HSH2D: variants seen among roughly 807,000 people sequenced by gnomAD.
HSH2D encodes hematopoietic SH2 domain-containing protein.
A neutral mutation model predicts 21.5 loss-of-function variants in HSH2D; 16 were observed. The ratio of observed to expected loss-of-function variants is 0.74; its 90% CI spans 0.50 to 1.13. The LOEUF (loss-of-function observed/expected upper bound fraction) is 1.13, where lower values mean the gene tolerates loss of function less well. Ranked by LOEUF, HSH2D falls within the 50% of genes most tolerant of loss-of-function variation. The probability of loss-of-function intolerance (pLI) is 0.00; values close to 1 mark genes in which losing one functional copy is unlikely to be tolerated. For synonymous variants in HSH2D, 172 were observed against 184.7 expected (o/e 0.93, Z 0.56); for missense variants, 418 against 441.4 (o/e 0.95, Z 0.47).
chr19:16,154,343 G>T, intron 4 of HSH2D, 56 bp from the exon 5 acceptor site: 1 of 1,244,168 alleles, frequency 8.0e-7, no homozygotes, highest in Non-Finnish European at 1.1e-6. Flanking sequence ...TCCAGGGTCC[G>T]TGCAGGACCT....
intron 1 of HSH2D, among the ~76,000 whole-genome samples, chr19:16,146,057 C>G (rs932069946): frequency 1.5e-5 from 2 of 134,184 alleles, no homozygotes; most frequent in Non-Finnish European, 3.1e-5. Flanking sequence ...GCCTGGGCAA[C>G]AGAGCGAGAT....
At chr19:16,151,347 G>A in intron 2 of HSH2D, 1 of 251,686 alleles carries the variant, frequency 4.0e-6, no homozygotes, top group South Asian at 3.4e-5. Context: ...AAAAAAGAGA[G>A]AGAGAGAGAA....
At chr19:16,156,051 G>A (rs2091232463) in intron 5 of HSH2D, among the ~76,000 whole-genome samples, 2 of 152,040 alleles carry the variant, frequency 1.3e-5, no homozygotes, top group South Asian at 4.1e-4. Context: ...GAGCCCAGGT[G>A]TGGAAAGAAA....
At chr19:16,147,280 T>C (rs529228126) in intron 1 of HSH2D, among the ~76,000 whole-genome samples, 3 of 150,072 alleles carry the variant, frequency 2.0e-5, no homozygotes, top group South Asian at 4.2e-4. Flanking sequence ...AGTCCAGGAG[T>C]TTGAGACCAA....
At position 16,157,740 on chromosome 19, in the gene HSH2D, C is replaced by T. The variant is rs945437174; in HGVS notation, c.1005C>T (p.Asp335=). 22 of 1,612,386 alleles carry T rather than the reference C, an allele frequency of 1.4e-5. No individual in the cohort carries two copies. Among genetic ancestry groups the T allele is most frequent in the Admixed American group, 6.7e-5 (4 of 59,874 alleles). ...EHQGLAEPEN[D]QLPEEYQQPP... ...AGGGCTTGGCAGAGCCTGAGAACGA[C>T]CAGCTCCCGGAGGAGTACCAACAAC... The change falls in exon 6 of 6, where the codon GAC becomes GAT. Residue 335 remains aspartate (D), a synonymous_variant. Transcript: ENST00000613986. The surrounding 1 kb of genome is among the most constrained non-coding windows in gnomAD (Gnocchi z 4.4).
chr19:16,156,787 AG>A (rs1416975601), intron 5 of HSH2D, among the ~76,000 whole-genome samples: 1 of 152,176 alleles, frequency 6.6e-6, no homozygotes, highest in African/African-American at 2.4e-5. Context: ...AAGGAGTTCA[AG>A]ACCACCAGGG....
At position 16,152,633 on chromosome 19, in the gene HSH2D, C is replaced by G. The variant is rs372296907; in HGVS notation, c.207C>G (p.Leu69=). The part of the protein sequence containing the change: ...RVSHSHVGYT[L]SYKAQSSCCH... Reference sequence around the variant, plus strand: ...GTCACAGCCATGTGGGCTACACACTCTCCTACAAGTAAGGCCTGGGCCGGG... The same window carrying G: ...GTCACAGCCATGTGGGCTACACACTGTCCTACAAGTAAGGCCTGGGCCGGG... The change falls in exon 3 of 6, where the codon CTC becomes CTG. Residue 69 remains leucine (L), a synonymous_variant. Transcript: ENST00000613986. 1.4e-4 allele frequency: 210 copies of G among 1,539,732 alleles called. No individual in the cohort carries two copies. Among genetic ancestry groups the G allele is most frequent in the Admixed American group, 8.2e-4 (40 of 48,812 alleles).
chr19:16,144,686 CTTTTT>C (rs35070155), intron 1 of HSH2D, among the ~76,000 whole-genome samples: 1 of 85,918 alleles, frequency 1.2e-5, no homozygotes, highest in East Asian at 4.5e-4. Flanking sequence ...ATTCTAGGCT[CTTTTT>C]TTTTTTTTTT....
At chr19:16,153,962 G>T (rs190125292) in intron 4 of HSH2D, among the ~76,000 whole-genome samples, 1 of 138,596 alleles carries the variant, frequency 7.2e-6, no homozygotes, top group African/African-American at 2.8e-5. Flanking sequence ...TATAGGGCTT[G>T]GTGTGCCTGG....
intron 1 of HSH2D, among the ~76,000 whole-genome samples, chr19:16,137,237 C>G (rs2090969756): frequency 6.6e-6 from 1 of 152,130 alleles, no homozygotes; most frequent in Non-Finnish European, 1.5e-5. Context: ...AGAGGAGGCA[C>G]AGGTACATAC....
At chr19:16,147,605 GC>G (rs985491006) in intron 1 of HSH2D, among the ~76,000 whole-genome samples, 5 of 151,714 alleles carry the variant, frequency 3.3e-5, no homozygotes, top group African/African-American at 9.7e-5. Flanking sequence ...CATAGTAGGT[GC>G]CCAAAAAATC....
upstream of HSH2D, among the ~76,000 whole-genome samples, chr19:16,139,289 A>G (rs2090983945): frequency 6.6e-6 from 1 of 152,248 alleles, no homozygotes; most frequent in African/African-American, 2.4e-5. Flanking sequence ...ATAAAATTAC[A>G]TCAAGTCCAG....
In HSH2D at chr19:16,151,381, A is replaced by G. The variant is rs1449078318; in HGVS notation, c.126-1171A>G. 4 of 326,994 alleles carry G rather than the reference A, an allele frequency of 1.2e-5. No individual in the cohort carries two copies. The East Asian group carries it at 3.6e-4, about 30-fold the overall frequency. The allele number at this position is 326,994 out of a possible 1,614,324, so 20.3% of individuals were successfully genotyped here. ...AATAATAGTAATAATAACAGCAAAC[A>G]TTTTGGGAGCACTTACCAGGTAGCA... On this transcript the variant is annotated intron_variant, in intron 2 of 5. Transcript: ENST00000613986.
intron 1 of HSH2D, among the ~76,000 whole-genome samples, chr19:16,148,191 C>T (rs2145037011): frequency 6.6e-6 from 1 of 152,108 alleles, no homozygotes; most frequent in South Asian, 2.1e-4. Flanking sequence ...CTCTGTCGCC[C>T]AGGCTGGAGC....
intron 5 of HSH2D, among the ~76,000 whole-genome samples, chr19:16,156,499 G>T (rs2091239305): frequency 6.6e-6 from 1 of 152,126 alleles, no homozygotes; most frequent in African/African-American, 2.4e-5. Flanking sequence ...TTTTTGTAAA[G>T]ATAGTATTTT....
chr19:16,148,755 C>T lies in HSH2D; in HGVS notation c.5C>T (p.Thr2Ile). 4 of 1,613,980 alleles carry T rather than the reference C, an allele frequency of 2.5e-6. No individual in the cohort carries two copies. Among genetic ancestry groups the T allele is most frequent in the Non-Finnish European group, 3.4e-6 (4 of 1,179,888 alleles). Residue 2 changes from threonine to isoleucine, a missense_variant, in exon 2 of 6, where the codon ACA becomes ATA. Thr to Ile is a moderately conservative substitution (Grantham distance 89). Coordinates refer to ENST00000613986, the MANE Select transcript of HSH2D (RefSeq NM_001382417.1). The part of the protein sequence containing the change: M[T>I]EAGKLPLPLP... The stretch of plus-strand genomic sequence containing the variant: ...TTCCCTCCACCCCAGGAAGCTATGA[C>T]AGAGGCCGGGAAGCTGCCCCTACCG...
At chr19:16,144,686 C>CTTT (rs35070155) in intron 1 of HSH2D, among the ~76,000 whole-genome samples, 1,975 of 85,694 alleles carry the variant, frequency 0.023, 21 homozygotes, top group Non-Finnish European at 0.032. Flanking sequence ...ATTCTAGGCT[C>CTTT]TTTTTTTTTT....
At chr19:16,139,398 A>G (rs564930330), upstream of HSH2D, among the ~76,000 whole-genome samples, 1 of 152,316 alleles carries the variant, frequency 6.6e-6, no homozygotes, top group African/African-American at 2.4e-5. Flanking sequence ...TGGGCAACAC[A>G]GCAAGACCCT....
At position 16,157,353 on chromosome 19, in the gene HSH2D, C is replaced by A; in HGVS notation, c.618C>A (p.Ser206Arg). Residue 206 changes from serine (S) to arginine (R), a missense_variant, in exon 6 of 6, where the codon AGC (serine) becomes AGA (arginine). Ser to Arg is a moderately radical substitution (Grantham distance 110). Transcript: ENST00000613986. This position sits in a 1 kb window ranked among gnomAD's most constrained non-coding sequence, Gnocchi z 4.4. ...LGETRQKLWR[S>R]LKMLPERGQR... ...AGACCCGCCAGAAACTCTGGAGGAG[C>A]CTCAAAATGCTCCCCGAGAGAGGCC... 1 of 1,613,884 alleles carries A rather than the reference C, an allele frequency of 6.2e-7. No homozygotes were observed. Among genetic ancestry groups the A allele is most frequent in the Non-Finnish European group, 8.5e-7 (1 of 1,179,850 alleles).
Sources: gnomAD v4.1 joint callset for allele counts (sites outside exome capture counted in the v4.1 genomes callset) on GRCh38, gnomAD v4.1.1 for gene constraint, Gnocchi (gnomAD v3.1) non-coding constraint, MANE v1.5 for transcripts, NCBI Gene and HGNC (gene_info 2026-07-23, HGNC 2026-07-21) for gene names.